VAV1: variants seen among roughly 807,000 people sequenced by gnomAD.
The protein encoded by VAV1 is proto-oncogene vav.
A neutral mutation model predicts 128.1 loss-of-function variants in VAV1; 33 were observed. The observed-to-expected ratio is 0.26, with a 90% CI of 0.20 to 0.34. The LOEUF (loss-of-function observed/expected upper bound fraction) is 0.34, where lower values mean the gene tolerates loss of function less well. VAV1 is among the 10% of genes least tolerant of loss of function. VAV1 has a pLI of 1.00. For missense variants in VAV1, 715 were observed against 1,093.7 expected (o/e 0.65, Z 4.88); for synonymous variants, 394 against 409.8 (o/e 0.96, Z 0.47).
chr19:6,824,204 G>C (rs1156442983), intron 6 of VAV1, among the ~76,000 whole-genome samples: 1 of 152,092 alleles, frequency 6.6e-6, no homozygotes, highest in Non-Finnish European at 1.5e-5. Context: ...GCCTCCCAAA[G>C]TGTTGGGATT....
Position 6,854,076 on chromosome 19 carries a change from G to A in VAV1, c.2462G>A (p.Trp821Ter), listed in dbSNP as rs1438044972. 1.2e-6 allele frequency: 2 copies of A among 1,613,368 alleles called. No individual in the cohort carries two copies. Among genetic ancestry groups the A allele is most frequent in the Non-Finnish European group, 1.7e-6 (2 of 1,180,008 alleles). ...ILNKKGQQGWWRGEIYGRVGW... is the reference protein window; with the variant it reads ...ILNKKGQQGW ...AACAAGAAGGGACAGCAAGGCTGGT[G>A]GCGAGGGGAGATCTATGGCCGGGTG... The change falls in exon 26 of 27, where the codon TGG (tryptophan) becomes TAG (stop). Residue 821 changes from tryptophan to a stop codon, truncating the protein, a stop_gained. Transcript: ENST00000602142. LOFTEE classifies it high-confidence loss of function.
In VAV1 at chr19:6,777,996, G is replaced by C. The variant is rs1394632217; in HGVS notation, c.204+4985G>C. On this transcript the variant is annotated intron_variant, in intron 1 of 26. Coordinates refer to ENST00000602142, the MANE Select transcript of VAV1 (RefSeq NM_005428.4). This position sits in a 1 kb window ranked among gnomAD's most constrained non-coding sequence, Gnocchi z 4.4. ...CTGTTGCCCAGGCTGGAGTACAGTGGCATGATCTTGGCTCACTGCAACCTC... is the reference window on the plus strand; with the variant it reads ...CTGTTGCCCAGGCTGGAGTACAGTGCCATGATCTTGGCTCACTGCAACCTC... Among the ~76,000 whole-genome samples, 1 of 152,020 alleles carries C rather than the reference G, an allele frequency of 6.6e-6. No homozygotes were observed. The highest frequency in any genetic ancestry group is 1.5e-5 in the Non-Finnish European group (1 of 68,002).
intron 19 of VAV1, among the ~76,000 whole-genome samples, chr19:6,834,354 C>T (rs1187540853): frequency 1.3e-5 from 2 of 150,988 alleles, no homozygotes; most frequent in Non-Finnish European, 2.9e-5. Flanking sequence ...AGCGATTCTC[C>T]TGCCTCAGCC....
chr19:6,842,254 T>C (rs536524392), intron 21 of VAV1, among the ~76,000 whole-genome samples: 1 of 151,622 alleles, frequency 6.6e-6, no homozygotes, highest in African/African-American at 2.4e-5. Flanking sequence ...AAATAAATAA[T>C]AAATACATAC....
chr19:6,804,412 ATATT>A (rs57358249), intron 1 of VAV1, among the ~76,000 whole-genome samples: 28,046 of 150,998 alleles, frequency 0.19, 3,594 homozygotes, highest in African/African-American at 0.37. Context: ...GGTCCTATTT[ATATT>A]TATTTATTTA....
At chr19:6,819,317 C>T (rs1035634603) in intron 1 of VAV1, among the ~76,000 whole-genome samples, 7 of 152,156 alleles carry the variant, frequency 4.6e-5, no homozygotes, top group African/African-American at 7.2e-5. Flanking sequence ...TAGAAATGAG[C>T]GATCTGTGAA....
At chr19:6,832,273 C>G in intron 15 of VAV1, 73 bp downstream of exon 15, 1 of 1,425,398 alleles carries the variant, frequency 7.0e-7, no homozygotes. Flanking sequence ...GTGATCTAGT[C>G]CCTACTCTGT....
chr19:6,825,862 C>T (rs1034813539), intron 8 of VAV1, among the ~76,000 whole-genome samples: 2 of 149,890 alleles, frequency 1.3e-5, no homozygotes, highest in African/African-American at 2.5e-5. Context: ...CCGTCTCCAT[C>T]GCCTAAAAAT....
intron 1 of VAV1, among the ~76,000 whole-genome samples, chr19:6,819,653 A>C (rs762340655): frequency 6.6e-6 from 1 of 152,064 alleles, no homozygotes; most frequent in Non-Finnish European, 1.5e-5. Context: ...ATTTTAACCA[A>C]CTCTACTGAC....
At chr19:6,834,030 C>T in intron 19 of VAV1, 77 bp downstream of exon 19, 1 of 1,600,578 alleles carries the variant, frequency 6.2e-7, no homozygotes, top group Non-Finnish European at 8.6e-7. Context: ...GACAGATCTC[C>T]ATAATCATAT....
Position 6,822,966 on chromosome 19 carries a change from C to A in VAV1, c.654+452C>A, listed in dbSNP as rs890242600. The stretch of plus-strand genomic sequence containing the variant: ...TAGAGCTATATGTAAATAATATATA[C>A]AATATATAAATATATAAAATATAAA... On this transcript the variant is annotated intron_variant, in intron 6 of 26. Transcript: ENST00000602142. This position sits in a 1 kb window ranked among gnomAD's most constrained non-coding sequence, Gnocchi z 5.9. 4.2e-5 allele frequency among the ~76,000 whole-genome samples: 6 copies of A among 144,196 alleles called. No individual in the cohort carries two copies. The highest frequency in any genetic ancestry group is 3.4e-3 in the Middle Eastern group (1 of 298). The allele number at this position is 144,196 out of a possible 152,430, so 94.6% of individuals were successfully genotyped here. A position where few individuals can be genotyped will look rare whatever the true frequency, so the allele number is the denominator to read the frequency against.
chr19:6,817,850 C>A (rs773393977), intron 1 of VAV1, among the ~76,000 whole-genome samples: 6 of 152,136 alleles, frequency 3.9e-5, no homozygotes, highest in Non-Finnish European at 8.8e-5. Context: ...CCTTGCCTGG[C>A]TAATTTTTTG....
At chr19:6,784,510 T>C (rs1418601856) in intron 1 of VAV1, among the ~76,000 whole-genome samples, 1 of 138,752 alleles carries the variant, frequency 7.2e-6, no homozygotes, top group Non-Finnish European at 1.6e-5. Context: ...TTTTTTTTTT[T>C]TGAGACAGAG....
intron 16 of VAV1, 59 bp downstream of exon 16, chr19:6,833,344 GA>G: frequency 6.6e-7 from 1 of 1,525,772 alleles, no homozygotes; most frequent in Non-Finnish European, 8.9e-7. Context: ...CCTTGCTAGA[GA>G]AGATGGCCTA....
rs567143781 is a variant in VAV1, at chr19:6,815,938, C to G, written c.205-4764C>G. On this transcript the variant is annotated intron_variant, in intron 1 of 26. Transcript: ENST00000602142. ...GAGTTGTGGCTCCCACCCGTAATAC[C>G]AACATTTAGGGAGGCTGAGGCAGGA... Among the ~76,000 whole-genome samples the G allele has an allele frequency of 2.4e-3, 370 of 151,942 alleles. 1 individual carries two copies. Among genetic ancestry groups the G allele is most frequent in the African/African-American group, 8.1e-3 (337 of 41,440 alleles).
At chr19:6,827,547 T>TA (rs1971947872) in intron 9 of VAV1, among the ~76,000 whole-genome samples, 2 of 152,164 alleles carry the variant, frequency 1.3e-5, no homozygotes. Flanking sequence ...GAGCTAGGAT[T>TA]ACAGGCCTGA....
At chr19:6,809,171 C>T (rs1347507304) in intron 1 of VAV1, among the ~76,000 whole-genome samples, 1 of 151,576 alleles carries the variant, frequency 6.6e-6, no homozygotes, top group Admixed American at 6.6e-5. Flanking sequence ...ACCTCAAACT[C>T]CTGGACTCAA....
At chr19:6,803,932 C>T (rs1971327879) in intron 1 of VAV1, among the ~76,000 whole-genome samples, 1 of 152,066 alleles carries the variant, frequency 6.6e-6, no homozygotes, top group East Asian at 1.9e-4. Context: ...AAGAGACACG[C>T]AGGAACCCCA....
In VAV1 at chr19:6,820,966, T is replaced by A; in HGVS notation, c.321+148T>A. Reference sequence around the variant, plus strand: ...GCAAATAGCACTGGCTTGGGATATGTGGAACTGGGTTTGAGTTCCTGCTCT... The same window carrying A: ...GCAAATAGCACTGGCTTGGGATATGAGGAACTGGGTTTGAGTTCCTGCTCT... On this transcript the variant is annotated intron_variant, in intron 2 of 26. Transcript: ENST00000602142. The surrounding 1 kb of genome is among the most constrained non-coding windows in gnomAD (Gnocchi z 4.4). The A allele has an allele frequency of 1.3e-6, 1 of 751,096 alleles. No individual in the cohort carries two copies. The highest frequency in any genetic ancestry group is 2.3e-6 in the Non-Finnish European group (1 of 440,130). 46.5% of individuals were successfully genotyped at this position (751,096 alleles called of 1,614,324 possible).
Sources: allele counts gnomAD v4.1 joint callset (sites outside exome capture counted in the v4.1 genomes callset), GRCh38; gene constraint gnomAD v4.1.1; non-coding constraint Gnocchi (gnomAD v3.1); transcripts MANE v1.5; gene names NCBI Gene and HGNC (gene_info 2026-07-23, HGNC 2026-07-21).